PDCD6IP: variants seen among roughly 807,000 people sequenced by gnomAD.
The protein encoded by PDCD6IP is programmed cell death 6 interacting protein, also known as programmed cell death 6-interacting protein.
A neutral mutation model predicts 103.7 loss-of-function variants in PDCD6IP; 43 were observed. The observed-to-expected ratio is 0.41, with a 90% confidence interval of 0.32 to 0.53. The LOEUF (loss-of-function observed/expected upper bound fraction) is 0.53. Ranked by LOEUF, PDCD6IP falls within the 20% of genes least tolerant of loss-of-function variation. The probability of loss-of-function intolerance (pLI) is 0.16; values close to 1 mark genes in which losing one functional copy is unlikely to be tolerated. For missense variants in PDCD6IP, 871 were observed against 1,036.7 expected, an observed-to-expected ratio of 0.84 and a Z score of 2.20; for synonymous variants, 354 against 378.7, an observed-to-expected ratio of 0.93 and a Z score of 0.76.
chr3:33,817,473 G>C (rs546760032), intron 3 of PDCD6IP, among the ~76,000 whole-genome samples: 49 of 152,304 alleles, frequency 3.2e-4, no homozygotes, highest in African/African-American at 1.0e-3. Flanking sequence ...AAACTTAGAG[G>C]CTGGAAGTGG....
chr3:33,819,823 GA>G (rs1332349299), intron 3 of PDCD6IP, among the ~76,000 whole-genome samples: 1 of 152,198 alleles, frequency 6.6e-6, no homozygotes, highest in Non-Finnish European at 1.5e-5. Flanking sequence ...AGCTATTGTA[GA>G]TTCTTTTTTA....
intron 12 of PDCD6IP, among the ~76,000 whole-genome samples, chr3:33,848,110 T>C (rs1697633377): frequency 6.6e-6 from 1 of 152,198 alleles, no homozygotes; most frequent in Non-Finnish European, 1.5e-5. Context: ...CAGCTTTTAC[T>C]CCTGATTTCT....
intron 15 of PDCD6IP, among the ~76,000 whole-genome samples, chr3:33,856,691 A>C (rs1329075938): frequency 3.9e-5 from 6 of 152,186 alleles, no homozygotes; most frequent in Non-Finnish European, 8.8e-5. Context: ...TATTGGCCTT[A>C]AAAGATAATG....
chr3:33,812,025 A>G, intron 1 of PDCD6IP, 47 bp from the exon 2 acceptor site: 2 of 1,556,316 alleles, frequency 1.3e-6, no homozygotes, highest in Non-Finnish European at 1.7e-6. Context: ...ACATAAATGC[A>G]TGTAATATTT....
chr3:33,850,779 C>G (rs1248254476), intron 12 of PDCD6IP, among the ~76,000 whole-genome samples: 6 of 151,860 alleles, frequency 4.0e-5, no homozygotes, highest in Non-Finnish European at 8.8e-5. Flanking sequence ...ATGATTCTTT[C>G]TCCTCCTCCT....
chr3:33,836,631 A>G (rs971020363), intron 8 of PDCD6IP, among the ~76,000 whole-genome samples: 38 of 151,228 alleles, frequency 2.5e-4, no homozygotes, highest in Non-Finnish European at 5.3e-4. Flanking sequence ...TGAGATGGGT[A>G]GATTGCTTGA....
At chr3:33,824,525 C>T (rs990890377) in intron 4 of PDCD6IP, among the ~76,000 whole-genome samples, 15 of 152,032 alleles carry the variant, frequency 9.9e-5, no homozygotes, top group Non-Finnish European at 1.8e-4. Flanking sequence ...CCCAAAGTGC[C>T]GGGATTAACA....
intron 15 of PDCD6IP, among the ~76,000 whole-genome samples, chr3:33,859,987 A>G (rs975696076): frequency 6.6e-6 from 1 of 152,224 alleles, no homozygotes; most frequent in African/African-American, 2.4e-5. Context: ...TATTTTAAAA[A>G]TCAGGGTGTT....
chr3:33,813,055 A>T (rs1350992044), intron 2 of PDCD6IP, among the ~76,000 whole-genome samples: 1 of 152,200 alleles, frequency 6.6e-6, no homozygotes, highest in African/African-American at 2.4e-5. Context: ...TAGCATATGG[A>T]AAAGTGAACA....
chr3:33,826,426 CA>C, intron 5 of PDCD6IP, 53 bp from the exon 6 acceptor site: 2 of 1,219,700 alleles, frequency 1.6e-6, no homozygotes, highest in Non-Finnish European at 2.3e-6. Context: ...TATACTGAGA[CA>C]TGTCAGATTA....
chr3:33,802,227 C>T (rs559225565), intron 1 of PDCD6IP, among the ~76,000 whole-genome samples: 3 of 152,246 alleles, frequency 2.0e-5, no homozygotes, highest in South Asian at 4.2e-4. Context: ...GCACGGGGCT[C>T]GCCCTTTAGG....
intron 12 of PDCD6IP, among the ~76,000 whole-genome samples, chr3:33,851,717 C>T (rs1697718679): frequency 6.6e-6 from 1 of 151,998 alleles, no homozygotes; most frequent in Admixed American, 6.6e-5. Flanking sequence ...AGGTGATCCT[C>T]CTGAAGTGCT....
rs970282695 is a variant in PDCD6IP at position 33,799,083 on chromosome 3, C to G, written c.209+146C>G. The G allele has an allele frequency of 1.1e-4, 90 of 786,620 alleles. 1 individual carries two copies. The South Asian group carries it at 1.6e-3, about 14-fold the overall frequency. The allele number at this position is 786,620 out of a possible 1,614,324, so 48.7% of individuals were successfully genotyped here. On this transcript the variant is annotated intron_variant, in intron 1 of 17. Transcript: ENST00000307296. ...CAGGCGCGTAGGTGTGGTCTGCATT[C>G]TTTGCTGGTGAGCAGGACCCGCCCT... is the stretch of plus-strand genomic sequence containing the variant.
chr3:33,807,767 G>T (rs1489357013), intron 1 of PDCD6IP, among the ~76,000 whole-genome samples: 1 of 152,194 alleles, frequency 6.6e-6, no homozygotes, highest in Non-Finnish European at 1.5e-5. Flanking sequence ...AAAGGTACAG[G>T]GCAGGGCAGG....
intron 3 of PDCD6IP, among the ~76,000 whole-genome samples, chr3:33,814,611 A>ATGCACATATAATGTGTATTATATG (rs767061049): frequency 0.011 from 1,558 of 147,544 alleles, 34 homozygotes; most frequent in East Asian, 0.06. Context: ...TGTATTATAT[A>ATGCACATATAATGTGTATTATATG]TGCACATATA....
At chr3:33,816,728 T>C (rs1696862892) in intron 3 of PDCD6IP, among the ~76,000 whole-genome samples, 1 of 152,016 alleles carries the variant, frequency 6.6e-6, no homozygotes, top group Non-Finnish European at 1.5e-5. Context: ...ACAGTAAATG[T>C]GGGTTGCTCA....
chr3:33,841,215 A>G (rs1420225200), intron 9 of PDCD6IP, among the ~76,000 whole-genome samples: 2 of 151,700 alleles, frequency 1.3e-5, no homozygotes, highest in South Asian at 2.1e-4. Context: ...TTTAGTAGAG[A>G]TGGGGTTTCA....
At chr3:33,861,959 G>T (rs955941180) in intron 15 of PDCD6IP, among the ~76,000 whole-genome samples, 1 of 152,016 alleles carries the variant, frequency 6.6e-6, no homozygotes, top group Admixed American at 6.5e-5. Flanking sequence ...AGTACTAGTG[G>T]CATTTTATTT....
chr3:33,865,149 C>T (rs1460266994), intron 16 of PDCD6IP, 94 bp from the exon 17 acceptor site: 1 of 777,678 alleles, frequency 1.3e-6, no homozygotes, highest in Non-Finnish European at 1.9e-6. Context: ...TGGTTGGATT[C>T]TAGAGTTTCT....
Sources: gnomAD v4.1 joint callset for allele counts (sites outside exome capture counted in the v4.1 genomes callset) on GRCh38, gnomAD v4.1.1 for gene constraint, MANE v1.5 for transcripts, NCBI Gene and HGNC (gene_info 2026-07-23, HGNC 2026-07-21) for gene names.